Variants in SNX9 observed in about 807,000 individuals in gnomAD.
The protein encoded by SNX9 is sorting nexin 9.
In SNX9, 44 loss-of-function variants were observed where a neutral mutation model predicts 89.4. That is an observed-to-expected ratio of 0.49 (90% CI 0.39 to 0.63). The LOEUF (loss-of-function observed/expected upper bound fraction) is 0.63, where lower values mean the gene tolerates loss of function less well. Among genes scored for constraint, SNX9 ranks in the 30% least tolerant of loss-of-function variants. The probability of loss-of-function intolerance (pLI) is 0.00; values close to 1 mark genes in which losing one functional copy is unlikely to be tolerated. For missense variants in SNX9, 578 were observed against 736.1 expected (o/e 0.79, Z 2.49); for synonymous variants, 236 against 247.8 (o/e 0.95, Z 0.45).
In SNX9 at chr6:157,901,791, A is replaced by T. The variant is rs1200346109; in HGVS notation, c.473-107A>T. ...CTATACCCTTTTCTCCATCAAAAAA[A>T]AATTGATTTGCCCAGTAGGTAGTTA... On this transcript the variant is annotated intron_variant, in intron 5 of 17. Coordinates refer to ENST00000392185, the MANE Select transcript of SNX9 (RefSeq NM_016224.5). 2.1e-5 allele frequency: 29 copies of T among 1,357,428 alleles called. No homozygotes were observed. The Admixed American group carries it at 6.6e-4, about 31-fold the overall frequency. 84.1% of individuals were successfully genotyped at this position (1,357,428 alleles called of 1,614,324 possible).
chr6:157,843,254 G>T (rs1236317642), intron 1 of SNX9, among the ~76,000 whole-genome samples: 1 of 152,156 alleles, frequency 6.6e-6, no homozygotes, highest in Non-Finnish European at 1.5e-5. Context: ...CTTGAACAAT[G>T]TGGGGGTTAG....
In SNX9 at chr6:157,941,074, C is replaced by G. The variant is rs537780610; in HGVS notation, c.1740+100C>G. ...GTTAATCTGTTTGTATTCTTTAATC[C>G]TAAGTAATAAACCAAAGGAGCCTAA... On this transcript the variant is annotated intron_variant, in intron 17 of 17. Transcript: ENST00000392185. 10 of 1,064,520 alleles carry G rather than the reference C, an allele frequency of 9.4e-6. No homozygotes were observed. In the South Asian group the frequency reaches 1.3e-4, roughly 14 times the overall value. 65.9% of individuals were successfully genotyped at this position (1,064,520 alleles called of 1,614,324 possible).
At chr6:157,839,574 A>T (rs185779191) in intron 1 of SNX9, among the ~76,000 whole-genome samples, 91 of 152,354 alleles carry the variant, frequency 6.0e-4, no homozygotes, top group Middle Eastern at 3.4e-3. Flanking sequence ...GCACAGTCCA[A>T]GTGGGGGAAA....
At chr6:157,907,203 A>T (rs900072293) in intron 7 of SNX9, among the ~76,000 whole-genome samples, 4 of 152,280 alleles carry the variant, frequency 2.6e-5, no homozygotes, top group Admixed American at 2.0e-4. Flanking sequence ...AAAATTGAAC[A>T]TGTACCATTA....
chr6:157,833,658 C>G (rs1383275664), intron 1 of SNX9, among the ~76,000 whole-genome samples: 1 of 152,182 alleles, frequency 6.6e-6, no homozygotes, highest in Non-Finnish European at 1.5e-5. Flanking sequence ...TGTGCCTTCT[C>G]CCTCAGGAGC....
chr6:157,853,758 A>G (rs1487488292), intron 1 of SNX9, among the ~76,000 whole-genome samples: 1 of 151,754 alleles, frequency 6.6e-6, no homozygotes, highest in Non-Finnish European at 1.5e-5. Flanking sequence ...TTATGCCACA[A>G]TTTTTAGTAC....
At chr6:157,940,734 CTCTTAG>C (rs1224056263) in intron 16 of SNX9, 143 bp from the exon 17 acceptor site, 7 of 656,028 alleles carry the variant, frequency 1.1e-5, no homozygotes, top group Non-Finnish European at 1.8e-5. Flanking sequence ...TTTTTCTAAC[CTCTTAG>C]TAAAGTGATT....
At chr6:157,927,287 T>G in intron 11 of SNX9, 73 bp downstream of exon 11, 2 of 1,069,616 alleles carry the variant, frequency 1.9e-6, no homozygotes, top group South Asian at 2.6e-5. Flanking sequence ...CTTCAGCCAG[T>G]GTAGCCGCAG....
intron 1 of SNX9, among the ~76,000 whole-genome samples, chr6:157,865,421 C>G (rs1782240713): frequency 6.6e-6 from 1 of 151,824 alleles, no homozygotes; most frequent in African/African-American, 2.4e-5. Context: ...GAAAACACCT[C>G]AGCATGGCTG....
At chr6:157,905,586 A>G (rs909667720) in intron 6 of SNX9, among the ~76,000 whole-genome samples, 2 of 133,110 alleles carry the variant, frequency 1.5e-5, no homozygotes. Context: ...TTGGGTCTCT[A>G]CTAAAGAGAC....
intron 1 of SNX9, among the ~76,000 whole-genome samples, chr6:157,836,886 C>T (rs570525445): frequency 4.6e-5 from 7 of 152,240 alleles, no homozygotes; most frequent in Admixed American, 3.9e-4. Flanking sequence ...CCACCGCGCC[C>T]GGCCGAGAAC....
chr6:157,854,991 C>CA (rs1255841281), intron 1 of SNX9, among the ~76,000 whole-genome samples: 1 of 150,000 alleles, frequency 6.7e-6, no homozygotes, highest in Non-Finnish European at 1.5e-5. Flanking sequence ...TACAAAAGGG[C>CA]AAAAAAACCC....
At chr6:157,910,917 C>G (rs140568433) in intron 9 of SNX9, among the ~76,000 whole-genome samples, 1 of 151,976 alleles carries the variant, frequency 6.6e-6, no homozygotes, top group African/African-American at 2.4e-5. Flanking sequence ...GTCAGGAGAT[C>G]GAGACCATCC....
chr6:157,927,930 AACACAC>A (rs71689763), intron 11 of SNX9, among the ~76,000 whole-genome samples: 1,876 of 148,978 alleles, frequency 0.013, 45 homozygotes, highest in African/African-American at 0.044. Context: ...ATAGACAAGT[AACACAC>A]ACACACACAC....
chr6:157,871,540 A>AG (rs1782411656), intron 2 of SNX9, among the ~76,000 whole-genome samples: 1 of 148,952 alleles, frequency 6.7e-6, no homozygotes, highest in Non-Finnish European at 1.5e-5. Flanking sequence ...GGGTGGGAGG[A>AG]GGGGGGAGGG....
At chr6:157,832,053 T>C (rs540735830) in intron 1 of SNX9, among the ~76,000 whole-genome samples, 3 of 152,360 alleles carry the variant, frequency 2.0e-5, no homozygotes, top group African/African-American at 7.2e-5. Flanking sequence ...TTCTTTTGAC[T>C]ATTAAAAGCA....
At chr6:157,907,400 G>A (rs1783239266) in intron 7 of SNX9, among the ~76,000 whole-genome samples, 1 of 152,114 alleles carries the variant, frequency 6.6e-6, no homozygotes, top group Admixed American at 6.5e-5. Context: ...TCCTGCCTCA[G>A]CCTCCCGAGT....
chr6:157,908,998 C>A (rs982890341), intron 7 of SNX9, among the ~76,000 whole-genome samples: 1 of 152,168 alleles, frequency 6.6e-6, no homozygotes, highest in Non-Finnish European at 1.5e-5. Context: ...ACATAGCAGT[C>A]CACGGAAGAA....
chr6:157,824,064 G>A (rs892178044), intron 1 of SNX9, among the ~76,000 whole-genome samples: 3 of 152,252 alleles, frequency 2.0e-5, no homozygotes, highest in African/African-American at 7.2e-5. Context: ...TTGCCGGCAT[G>A]AATAAAATAT....
Sources: allele counts gnomAD v4.1 joint callset (sites outside exome capture counted in the v4.1 genomes callset), GRCh38; gene constraint gnomAD v4.1.1; transcripts MANE v1.5; gene names NCBI Gene and HGNC (gene_info 2026-07-23, HGNC 2026-07-21).